The following SPRY3 variants were observed in gnomAD, a reference collection of about 807,000 sequenced individuals.
The protein encoded by SPRY3 is sprouty RTK signaling antagonist 3.
A neutral mutation model predicts 20.2 loss-of-function variants in SPRY3; 15 were observed. That is an observed-to-expected ratio of 0.74 (90% CI 0.50 to 1.14). The LOEUF is 1.14. Among genes scored for constraint, SPRY3 ranks in the 50% most tolerant of loss-of-function variants. SPRY3 has a pLI of 0.00. For missense variants in SPRY3, 364 were observed against 363.9 expected (o/e 1.00, Z 0.00); for synonymous variants, 143 against 136.5 (o/e 1.05, Z -0.33).
At chrX:155,779,914 G>T (rs757500409), downstream of SPRY3, 4 of 167,060 alleles carry the variant, frequency 2.4e-5, no homozygotes, top group South Asian at 6.2e-4. Context: ...ATAAGATTTT[G>T]TAGGACTGAA....
At chrX:155,753,103 T>C (rs776132072) in intron 2 of SPRY3, among the ~76,000 whole-genome samples, 51 of 152,006 alleles carry the variant, frequency 3.4e-4, no homozygotes, top group African/African-American at 1.1e-3. Context: ...TATTGAAACA[T>C]AATTCACATG....
intron 2 of SPRY3, among the ~76,000 whole-genome samples, chrX:155,726,114 T>A (rs1364264175): frequency 6.6e-6 from 1 of 152,290 alleles, no homozygotes; most frequent in Non-Finnish European, 1.5e-5. Flanking sequence ...TCAGTTTCCA[T>A]GTTGTTGTGC....
At chrX:155,634,980 T>C (rs1234168685) in intron 1 of SPRY3, among the ~76,000 whole-genome samples, 2 of 109,660 alleles carry the variant, frequency 1.8e-5, no homozygotes, top group African/African-American at 6.6e-5. Context: ...GGTGCTTTGC[T>C]GCACCCATCA....
intron 1 of SPRY3, among the ~76,000 whole-genome samples, chrX:155,620,312 ACTTTCC>A (rs2067867308): frequency 9.0e-6 from 1 of 111,419 alleles, no homozygotes; most frequent in Non-Finnish European, 1.9e-5. Context: ...AGTTAAACAC[ACTTTCC>A]CTATGACTCA....
At chrX:155,720,959 A>G (rs2091053657) in intron 2 of SPRY3, among the ~76,000 whole-genome samples, 2 of 152,188 alleles carry the variant, frequency 1.3e-5, no homozygotes, top group Non-Finnish European at 2.9e-5. Flanking sequence ...CTAGGGACCA[A>G]TCCTGGAGAA....
intron 2 of SPRY3, among the ~76,000 whole-genome samples, chrX:155,682,765 C>G (rs1349114858): frequency 8.9e-6 from 1 of 112,220 alleles, no homozygotes; most frequent in Admixed American, 9.5e-5. Flanking sequence ...GCTACCGCTG[C>G]TATACATAGT....
chrX:155,729,066 T>C (rs1309249615), intron 2 of SPRY3, among the ~76,000 whole-genome samples: 1 of 152,038 alleles, frequency 6.6e-6, no homozygotes, highest in South Asian at 2.1e-4. Flanking sequence ...AACCCAGACA[T>C]ATAAAGCAAA....
chrX:155,740,292 C>T (rs1013950169), intron 2 of SPRY3, among the ~76,000 whole-genome samples: 1 of 152,020 alleles, frequency 6.6e-6, no homozygotes, highest in Non-Finnish European at 1.5e-5. Context: ...TGAAAAAGAA[C>T]AGAATAACAG....
chrX:155,730,639 G>A (rs980329631), intron 2 of SPRY3, among the ~76,000 whole-genome samples: 3 of 151,942 alleles, frequency 2.0e-5, no homozygotes, highest in African/African-American at 7.3e-5. Flanking sequence ...TGTTACTAAC[G>A]TAGCATTAGA....
At chrX:155,723,241 A>G (rs1282712698) in intron 2 of SPRY3, among the ~76,000 whole-genome samples, 3 of 152,168 alleles carry the variant, frequency 2.0e-5, no homozygotes, top group African/African-American at 7.2e-5. Flanking sequence ...CGCAATAAAC[A>G]TACATGTGCA....
chrX:155,758,948 G>A (rs1478476592), intron 2 of SPRY3, among the ~76,000 whole-genome samples: 8 of 152,176 alleles, frequency 5.3e-5, no homozygotes, highest in African/African-American at 1.9e-4. Context: ...GAAAATTTCT[G>A]CTTCTAATTT....
intron 2 of SPRY3, among the ~76,000 whole-genome samples, chrX:155,668,692 G>A (rs890744642): frequency 6.3e-5 from 7 of 110,451 alleles, no homozygotes; most frequent in African/African-American, 1.6e-4. Flanking sequence ...CAGATTCCTA[G>A]AGGAACTTCC....
intron 2 of SPRY3, among the ~76,000 whole-genome samples, chrX:155,745,650 C>A (rs1017619407): frequency 6.6e-6 from 1 of 152,042 alleles, no homozygotes; most frequent in Non-Finnish European, 1.5e-5. Flanking sequence ...GGAGCAATTT[C>A]TTTAACCTCA....
In SPRY3 at chrX:155,765,431, T is replaced by A. The variant is rs374278074; in HGVS notation, c.-281-2531T>A. 2.6e-5 allele frequency among the ~76,000 whole-genome samples: 4 copies of A among 152,300 alleles called. 1 individual carries two copies. The highest frequency in any genetic ancestry group is 9.6e-5 in the African/African-American group (4 of 41,560). ...AATTCATTAATATGCCTCATAGGTT[T>A]GTTGTGAGAATTAAATAGGTTAAAA... On this transcript the variant is annotated intron_variant, in intron 2 of 3. Transcript: ENST00000675360.
At chrX:155,733,237 T>C (rs1196611240) in intron 2 of SPRY3, among the ~76,000 whole-genome samples, 4 of 151,656 alleles carry the variant, frequency 2.6e-5, no homozygotes, top group Non-Finnish European at 5.9e-5. Context: ...TTACACATTG[T>C]ATGCCTGTAT....
downstream of SPRY3, chrX:155,777,020 A>C (rs1174834788): frequency 1.2e-5 from 2 of 167,180 alleles, no homozygotes; most frequent in Non-Finnish European, 2.9e-5. Context: ...TATAAACCCA[A>C]ACCAATACCT....
chrX:155,669,536 TCTCA>T (rs1323498829), intron 2 of SPRY3, among the ~76,000 whole-genome samples: 2 of 111,113 alleles, frequency 1.8e-5, no homozygotes, highest in African/African-American at 6.5e-5. Context: ...TGTAGATTAA[TCTCA>T]CTAACAGATT....
chrX:155,726,576 G>A (rs1287471935), intron 2 of SPRY3, among the ~76,000 whole-genome samples: 1 of 151,954 alleles, frequency 6.6e-6, no homozygotes, highest in African/African-American at 2.4e-5. Context: ...TTATGTAATG[G>A]CCTTCTTTTT....
chrX:155,772,790 A>AT (rs1177909822), intron 3 of SPRY3, among the ~76,000 whole-genome samples: 9 of 152,112 alleles, frequency 5.9e-5, no homozygotes, highest in African/African-American at 2.2e-4. Context: ...CTTAGCTTAA[A>AT]TATGGTATAA....
Sources: gnomAD v4.1 joint callset for allele counts (sites outside exome capture counted in the v4.1 genomes callset) on GRCh38, gnomAD v4.1.1 for gene constraint, MANE v1.5 for transcripts, NCBI Gene and HGNC (gene_info 2026-07-23, HGNC 2026-07-21) for gene names.